The following CPS1 variants were observed in gnomAD, a reference collection of about 807,000 sequenced individuals.
The protein encoded by CPS1 is carbamoyl-phosphate synthase 1, also known as carbamoyl-phosphate synthase [ammonia], mitochondrial.
Under a neutral mutation model 174.6 loss-of-function variants are expected in CPS1, and 109 were observed. The ratio of observed to expected loss-of-function variants is 0.62; its 90% CI spans 0.53 to 0.73. CPS1 has a LOEUF of 0.73. Among genes scored for constraint, CPS1 ranks in the 30% least tolerant of loss-of-function variants. The pLI, the probability that CPS1 is intolerant of heterozygous loss-of-function variation, is 0.00. For missense variants in CPS1, 1,689 were observed against 1,821.9 expected, an observed-to-expected ratio of 0.93 and a Z score of 1.33; for synonymous variants, 637 against 632.0, an observed-to-expected ratio of 1.01 and a Z score of -0.12.
At chr2:210,517,856 C>A (rs1289260247) in intron 1 of CPS1, among the ~76,000 whole-genome samples, 1 of 151,964 alleles carries the variant, frequency 6.6e-6, no homozygotes, top group African/African-American at 2.4e-5. Context: ...ACTGGCCAAC[C>A]AAACGGTCAT....
rs146801301 is a variant in CPS1, at chr2:210,587,472, C to A, written c.622-586C>A. On this transcript the variant is annotated intron_variant, in intron 6 of 37. Transcript: ENST00000233072. ...TAATGATTATGATATGCTCTGGGAT[C>A]TTTTTATGAAATCTACCATTTAAAT... Among the ~76,000 whole-genome samples the A allele has an allele frequency of 9.2e-5, 14 of 152,198 alleles. No homozygotes were observed. The East Asian group carries it at 2.5e-3, about 27-fold the overall frequency.
chr2:210,607,352 C>T (rs957033653), intron 18 of CPS1, among the ~76,000 whole-genome samples: 1 of 151,928 alleles, frequency 6.6e-6, no homozygotes, highest in Admixed American at 6.6e-5. Flanking sequence ...ATGCAATACA[C>T]ATTACTTTTA....
chr2:210,544,146 G>T (rs1205738392), intron 1 of CPS1, among the ~76,000 whole-genome samples: 2 of 152,086 alleles, frequency 1.3e-5, no homozygotes, highest in African/African-American at 4.8e-5. Context: ...CAGAACCAGG[G>T]ATAGAGTGTG....
At chr2:210,574,238 A>T (rs755039311) in intron 2 of CPS1, among the ~76,000 whole-genome samples, 1 of 152,044 alleles carries the variant, frequency 6.6e-6, no homozygotes, top group Non-Finnish European at 1.5e-5. Flanking sequence ...TTAAACAATT[A>T]TGTGTCTTAA....
At chr2:210,668,324 A>G (rs1284107065) in intron 34 of CPS1, 40 bp downstream of exon 34, 3 of 1,345,822 alleles carry the variant, frequency 2.2e-6, no homozygotes, top group Admixed American at 1.7e-5. Flanking sequence ...ATGGTCATAC[A>G]TGGTGAGTGG....
rs1051424334 is a variant in CPS1, at chr2:210,513,463, G to A, written c.3+35697G>A. 6.0e-5 allele frequency among the ~76,000 whole-genome samples: 9 copies of A among 150,434 alleles called. 1 individual carries two copies. Among genetic ancestry groups the A allele is most frequent in the Admixed American group, 5.3e-4 (8 of 15,092 alleles). Reference sequence around the variant, plus strand: ...TTATTTCATATGTTTGCTGACATATGAGAAGACATACGTTGTATGTCTTCT... The same window carrying A: ...TTATTTCATATGTTTGCTGACATATAAGAAGACATACGTTGTATGTCTTCT... On this transcript the variant is annotated intron_variant, in intron 1 of 38. Transcript: ENST00000430249.
At chr2:210,668,318 T>G in intron 34 of CPS1, 34 bp downstream of exon 34, 1 of 1,398,606 alleles carries the variant, frequency 7.1e-7, no homozygotes, top group Non-Finnish European at 1.0e-6. Context: ...TTGCCCATGG[T>G]CATACATGGT....
intron 1 of CPS1, among the ~76,000 whole-genome samples, chr2:210,536,350 T>C (rs1377727623): frequency 6.7e-6 from 1 of 149,698 alleles, no homozygotes; most frequent in Non-Finnish European, 1.5e-5. Context: ...AGATGGAGTC[T>C]GGCTCTGTCG....
Position 210,484,153 on chromosome 2 carries a change from A to G in CPS1, c.3+6387A>G, listed in dbSNP as rs575051146. Among the ~76,000 whole-genome samples, 14 of 152,310 alleles carry G rather than the reference A, an allele frequency of 9.2e-5. No individual in the cohort carries two copies. In the East Asian group the frequency reaches 2.3e-3, roughly 25 times the overall value. On this transcript the variant is annotated intron_variant, in intron 1 of 38. Coordinates refer to the CPS1 transcript ENST00000430249. Reference sequence around the variant, plus strand: ...GACCTGAGGCAGTCAGGGAGGTTTCATAGAAGGTGACATCTGAGTTGAGTT... The same window carrying G: ...GACCTGAGGCAGTCAGGGAGGTTTCGTAGAAGGTGACATCTGAGTTGAGTT...
intron 13 of CPS1, among the ~76,000 whole-genome samples, chr2:210,595,814 G>GTTA (rs1319746141): frequency 6.6e-6 from 1 of 151,890 alleles, no homozygotes. Context: ...AATTATTTAG[G>GTTA]TTATTGCCTC....
Position 210,638,762 on chromosome 2 carries a change from G to A in CPS1, c.2830-388G>A, listed in dbSNP as rs564472758. Among the ~76,000 whole-genome samples, 23 of 152,176 alleles carry A rather than the reference G, an allele frequency of 1.5e-4. No homozygotes were observed. In the South Asian group the frequency reaches 3.7e-3, roughly 25 times the overall value. ...GTGCCACAGGCCACTTAAATCCTGC[G>A]CATTAATTTGCAAGCCAAAGAGATC... On this transcript the variant is annotated intron_variant, in intron 22 of 37. Coordinates refer to ENST00000233072, the MANE Select transcript of CPS1 (RefSeq NM_001875.5).
intron 21 of CPS1, among the ~76,000 whole-genome samples, chr2:210,632,488 A>G (rs959733658): frequency 4.6e-5 from 7 of 152,200 alleles, no homozygotes; most frequent in African/African-American, 9.7e-5. Context: ...ACTAAAGTCA[A>G]TTTTCTACTG....
At position 210,608,443 on chromosome 2, in the gene CPS1, T is replaced by A. The variant is rs150012540; in HGVS notation, c.2275T>A (p.Ser759Thr). 3.8e-5 allele frequency: 62 copies of A among 1,612,560 alleles called. No individual in the cohort carries two copies. In the African/African-American group the frequency reaches 7.2e-4, roughly 19 times the overall value. ...EIKNVVSGKTSACFEPSLDYM... is the reference protein window; with the variant it reads ...EIKNVVSGKTTACFEPSLDYM... ...TAAGAACGTCGTATCCGGGAAGACATCAGCCTGTTTTGAACCTAGCCTGGA... is the reference window on the plus strand; with the variant it reads ...TAAGAACGTCGTATCCGGGAAGACAACAGCCTGTTTTGAACCTAGCCTGGA... Residue 759 changes from serine to threonine, a missense_variant, in exon 19 of 38, where the codon TCA (serine) becomes ACA (threonine). Physicochemically the swap from Ser to Thr is moderately conservative, Grantham distance 58 (BLOSUM62 1). Coordinates refer to ENST00000233072, the MANE Select transcript of CPS1 (RefSeq NM_001875.5).
intron 1 of CPS1, among the ~76,000 whole-genome samples, chr2:210,548,401 T>C (rs1052996362): frequency 6.6e-6 from 1 of 152,084 alleles, no homozygotes; most frequent in Non-Finnish European, 1.5e-5. Context: ...AATAATCAAT[T>C]ACCTAATGCA....
intron 1 of CPS1, among the ~76,000 whole-genome samples, chr2:210,544,552 C>T (rs1696513981): frequency 6.6e-6 from 1 of 151,960 alleles, no homozygotes; most frequent in Non-Finnish European, 1.5e-5. Context: ...TGTTGCTGAG[C>T]TTAACTCTAT....
At chr2:210,519,125 G>T (rs918397596) in intron 1 of CPS1, among the ~76,000 whole-genome samples, 3 of 152,090 alleles carry the variant, frequency 2.0e-5, no homozygotes, top group African/African-American at 4.8e-5. Flanking sequence ...GTGCCAAGTT[G>T]TTCCTTGCTC....
At chr2:210,600,418 C>T (rs939917876) in intron 14 of CPS1, 137 bp from the exon 15 acceptor site, 1 of 743,100 alleles carries the variant, frequency 1.3e-6, no homozygotes, top group Non-Finnish European at 2.2e-6. Flanking sequence ...CAATTTTTTT[C>T]CCTAAGTGCA....
chr2:210,556,930 C>T, intron 1 of CPS1, 71 bp downstream of exon 1: 7 of 1,535,644 alleles, frequency 4.6e-6, no homozygotes, highest in Non-Finnish European at 6.3e-6. Flanking sequence ...AAAGGTGTCC[C>T]TTACAAGGCA....
intron 15 of CPS1, among the ~76,000 whole-genome samples, chr2:210,601,801 C>T (rs1171725890): frequency 2.0e-5 from 3 of 151,864 alleles, no homozygotes; most frequent in African/African-American, 7.2e-5. Context: ...TAACATCAAG[C>T]TAGCTTCAGC....
Sources: allele counts gnomAD v4.1 joint callset (sites outside exome capture counted in the v4.1 genomes callset), GRCh38; gene constraint gnomAD v4.1.1; transcripts MANE v1.5; gene names NCBI Gene and HGNC (gene_info 2026-07-23, HGNC 2026-07-21).